SLC8A3: variants seen among roughly 807,000 people sequenced by gnomAD.
SLC8A3 encodes the protein sodium/calcium exchanger 3.
SLC8A3 carries 37 observed loss-of-function variants against 65.4 expected under a neutral mutation model. The ratio of observed to expected loss-of-function variants is 0.57; its 90% confidence interval spans 0.44 to 0.74. The LOEUF (loss-of-function observed/expected upper bound fraction) is 0.74. Ranked by LOEUF, SLC8A3 falls within the 30% of genes least tolerant of loss-of-function variation. The pLI, the probability that SLC8A3 is intolerant of heterozygous loss-of-function variation, is 0.00. For synonymous variants in SLC8A3, 461 were observed against 444.5 expected, an observed-to-expected ratio of 1.04 and a Z score of -0.47; for missense variants, 1,112 against 1,172.1, an observed-to-expected ratio of 0.95 and a Z score of 0.75.
At chr14:70,062,117 C>T (rs1024229024) in intron 2 of SLC8A3, among the ~76,000 whole-genome samples, 18 of 1,106 alleles carry the variant, frequency 0.016, no homozygotes, top group Middle Eastern at 0.5. Flanking sequence ...TGGCGGGGGG[C>T]GGGGGGGAGA....
intron 2 of SLC8A3, among the ~76,000 whole-genome samples, chr14:70,062,554 G>A (rs1453011147): frequency 6.6e-6 from 1 of 152,216 alleles, no homozygotes. Context: ...CAGGTGTGTT[G>A]TAGGCTACAC....
At chr14:70,113,904 G>A (rs1389664086) in intron 2 of SLC8A3, among the ~76,000 whole-genome samples, 2 of 16,226 alleles carry the variant, frequency 1.2e-4, no homozygotes, top group Non-Finnish European at 6.6e-4. Flanking sequence ...TAGCCTAGGG[G>A]ACATTTTTTT....
intron 2 of SLC8A3, among the ~76,000 whole-genome samples, chr14:70,114,960 T>C (rs1468366049): frequency 6.6e-6 from 1 of 152,080 alleles, no homozygotes; most frequent in East Asian, 1.9e-4. Context: ...CAGAGCCAGG[T>C]GGGGCTGACA....
intron 2 of SLC8A3, among the ~76,000 whole-genome samples, chr14:70,074,481 A>C (rs919138635): frequency 2.6e-5 from 4 of 152,250 alleles, no homozygotes; most frequent in Non-Finnish European, 5.9e-5. Context: ...GTTTCACAGA[A>C]CCTAGTGACC....
chr14:70,118,512 T>C (rs545758934), intron 2 of SLC8A3, among the ~76,000 whole-genome samples: 13 of 152,366 alleles, frequency 8.5e-5, no homozygotes, highest in African/African-American at 3.1e-4. Flanking sequence ...CAAGTCTCTA[T>C]TTATTCTCCC....
intron 2 of SLC8A3, among the ~76,000 whole-genome samples, chr14:70,159,184 G>A (rs900256087): frequency 6.6e-6 from 1 of 152,126 alleles, no homozygotes; most frequent in African/African-American, 2.4e-5. Context: ...CAAGGTGGCT[G>A]GATCACCTGA....
intron 2 of SLC8A3, among the ~76,000 whole-genome samples, chr14:70,099,422 T>C (rs1242953101): frequency 1.3e-5 from 2 of 152,230 alleles, no homozygotes; most frequent in Non-Finnish European, 2.9e-5. Context: ...TGGAATCAGA[T>C]AGATTTAGTT....
intron 2 of SLC8A3, among the ~76,000 whole-genome samples, chr14:70,104,618 G>A (rs529060526): frequency 6.6e-6 from 1 of 152,208 alleles, no homozygotes; most frequent in Admixed American, 6.5e-5. Flanking sequence ...TTGGATTGTA[G>A]CAGAATTAAA....
chr14:70,140,434 T>C (rs1895488783), intron 2 of SLC8A3, among the ~76,000 whole-genome samples: 1 of 152,204 alleles, frequency 6.6e-6, no homozygotes, highest in African/African-American at 2.4e-5. Flanking sequence ...AGGGTTATCA[T>C]GGCTCTGAAC....
chr14:70,103,104 A>G (rs945532898), intron 2 of SLC8A3, among the ~76,000 whole-genome samples: 10 of 152,114 alleles, frequency 6.6e-5, no homozygotes, highest in African/African-American at 2.2e-4. Context: ...GCAAATAATC[A>G]ATGACTTTTC....
At position 70,166,741 on chromosome 14, in the gene SLC8A3, G is replaced by A. The variant is rs1897183522; in HGVS notation, c.1682C>T (p.Thr561Ile). 1.9e-6 allele frequency: 3 copies of A among 1,613,858 alleles called. No individual in the cohort carries two copies. Among genetic ancestry groups the A allele is most frequent in the Admixed American group, 1.7e-5 (1 of 59,992 alleles). Residue 561 changes from threonine to isoleucine, a missense_variant, in exon 2 of 7, where the codon ACA becomes ATA. Transcript: ENST00000356921. ...KVLRTSGARG[T>I]VIVPFRTVEG... ...TACTGTCCTAAAGGGGACGATGACTGTACCCCGGGCACCTGATGTCCGCAG... is the reference window on the plus strand; with the variant it reads ...TACTGTCCTAAAGGGGACGATGACTATACCCCGGGCACCTGATGTCCGCAG...
intron 2 of SLC8A3, among the ~76,000 whole-genome samples, chr14:70,093,860 A>G (rs1891971224): frequency 6.6e-6 from 1 of 152,188 alleles, no homozygotes. Flanking sequence ...TTTGGGTGGA[A>G]CACACCCTCT....
At chr14:70,146,587 TTA>T (rs1566810592) in intron 2 of SLC8A3, among the ~76,000 whole-genome samples, 1 of 152,236 alleles carries the variant, frequency 6.6e-6, no homozygotes. Context: ...TGCCTGGTAT[TTA>T]TATATATATT....
intron 2 of SLC8A3, among the ~76,000 whole-genome samples, chr14:70,132,481 G>T (rs1197269295): frequency 1.3e-5 from 2 of 152,180 alleles, no homozygotes; most frequent in African/African-American, 4.8e-5. Context: ...TAGTGCTGAG[G>T]TGTTCCGACC....
At chr14:70,187,419 C>G (rs8015581) in intron 1 of SLC8A3, among the ~76,000 whole-genome samples, 13,154 of 151,908 alleles carry the variant, frequency 0.087, 1,898 homozygotes, top group African/African-American at 0.3. Flanking sequence ...TTTAACCCCA[C>G]CCCGCCACCA....
intron 2 of SLC8A3, among the ~76,000 whole-genome samples, chr14:70,108,708 A>G (rs1893055842): frequency 6.6e-6 from 1 of 152,262 alleles, no homozygotes; most frequent in South Asian, 2.1e-4. Context: ...CCATCCTTAG[A>G]TAAAGTAGCT....
intron 2 of SLC8A3, among the ~76,000 whole-genome samples, chr14:70,106,430 A>C (rs888282036): frequency 6.6e-6 from 1 of 152,184 alleles, no homozygotes; most frequent in Non-Finnish European, 1.5e-5. Flanking sequence ...CTTAGTATTT[A>C]GAGGCACCTT....
chr14:70,055,951 A>G (rs1678890081), intron 3 of SLC8A3: 1 of 695,444 alleles, frequency 1.4e-6, no homozygotes, highest in Non-Finnish European at 2.4e-6. Context: ...AGAGCTCAGC[A>G]GCCATACGCA....
chr14:70,075,904 A>G (rs1292286389), intron 2 of SLC8A3, among the ~76,000 whole-genome samples: 2 of 152,196 alleles, frequency 1.3e-5, no homozygotes, highest in Non-Finnish European at 2.9e-5. Flanking sequence ...GCCCCATCCC[A>G]GAGTTTGTGA....
Sources: gnomAD v4.1 joint callset for allele counts (sites outside exome capture counted in the v4.1 genomes callset) on GRCh38, gnomAD v4.1.1 for gene constraint, MANE v1.5 for transcripts, NCBI Gene and HGNC (gene_info 2026-07-23, HGNC 2026-07-21) for gene names.